PLEKHA7: variants seen among roughly 807,000 people sequenced by gnomAD.
PLEKHA7 encodes pleckstrin homology domain-containing family A member 7.
Under a neutral mutation model 170.0 loss-of-function variants are expected in PLEKHA7, and 104 were observed. The observed-to-expected ratio is 0.61, with a 90% confidence interval of 0.52 to 0.72. The LOEUF is 0.72. PLEKHA7 is among the 30% of genes least tolerant of loss of function. PLEKHA7 has a pLI of 0.00. For synonymous variants in PLEKHA7, 648 were observed against 660.8 expected, an observed-to-expected ratio of 0.98 and a Z score of 0.30; for missense variants, 1,615 against 1,671.7, an observed-to-expected ratio of 0.97 and a Z score of 0.59.
At chr11:16,965,573 A>G (rs1565162351) in intron 3 of PLEKHA7, among the ~76,000 whole-genome samples, 1 of 151,984 alleles carries the variant, frequency 6.6e-6, no homozygotes, top group Non-Finnish European at 1.5e-5. Flanking sequence ...AGGGGAGGGG[A>G]GAATGGGCAG....
chr11:16,855,295 G>A (rs924585202), intron 5 of PLEKHA7, among the ~76,000 whole-genome samples: 4 of 152,180 alleles, frequency 2.6e-5, no homozygotes, highest in African/African-American at 9.7e-5. Context: ...GCTTTCTGGA[G>A]CAAAGCTAAT....
intron 3 of PLEKHA7, among the ~76,000 whole-genome samples, chr11:16,929,419 A>G (rs1174120537): frequency 6.6e-6 from 1 of 152,224 alleles, no homozygotes; most frequent in Non-Finnish European, 1.5e-5. Context: ...TGGGTTCTTA[A>G]TAAGCCGAGA....
Position 17,014,157 on chromosome 11 carries a change from TCC to T in PLEKHA7, c.129_130del (p.Glu44AlafsTer32). The T allele has an allele frequency of 6.2e-7, 1 of 1,601,168 alleles. No homozygotes were observed. Among genetic ancestry groups the T allele is most frequent in the Non-Finnish European group, 8.5e-7 (1 of 1,175,470 alleles). On this transcript the variant is annotated frameshift_variant, in exon 2 of 27. Transcript: ENST00000531066. LOFTEE classifies it high-confidence loss of function. ...GATCATGTGGCCCGAGTTGACGGGC[TCC>T]CCGGTGCGCGGATGCAGCCAGGTCG...
intron 6 of PLEKHA7, among the ~76,000 whole-genome samples, chr11:16,854,182 G>A (rs550310062): frequency 2.0e-5 from 3 of 152,278 alleles, no homozygotes; most frequent in African/African-American, 7.2e-5. Flanking sequence ...AAAGAGACAG[G>A]GTCTCTAGCT....
At chr11:16,970,752 A>T (rs1862660876) in intron 3 of PLEKHA7, among the ~76,000 whole-genome samples, 1 of 152,230 alleles carries the variant, frequency 6.6e-6, no homozygotes, top group Non-Finnish European at 1.5e-5. Flanking sequence ...ATTGTCTATA[A>T]CAGATTAGTT....
intron 3 of PLEKHA7, among the ~76,000 whole-genome samples, chr11:16,978,196 T>C (rs918351879): frequency 6.6e-6 from 1 of 152,256 alleles, no homozygotes; most frequent in African/African-American, 2.4e-5. Flanking sequence ...ACACAGTTTC[T>C]ATTTTGTAAG....
chr11:16,882,860 T>TCACACACACACACA (rs768102944), intron 3 of PLEKHA7, among the ~76,000 whole-genome samples: 8 of 151,844 alleles, frequency 5.3e-5, no homozygotes, highest in African/African-American at 1.9e-4. Flanking sequence ...ATACACATAT[T>TCACACACACACACA]CACACACACA....
At chr11:16,898,806 C>G (rs1857150447) in intron 3 of PLEKHA7, among the ~76,000 whole-genome samples, 1 of 152,138 alleles carries the variant, frequency 6.6e-6, no homozygotes, top group Non-Finnish European at 1.5e-5. Flanking sequence ...GACTTTGTTC[C>G]CCCTAGTTCA....
chr11:17,012,397 C>CT (rs1865371460), intron 3 of PLEKHA7, among the ~76,000 whole-genome samples: 1 of 152,190 alleles, frequency 6.6e-6, no homozygotes, highest in South Asian at 2.1e-4. Context: ...CTTGCCCTGG[C>CT]TGTTCGCTCT....
At chr11:16,959,670 T>A (rs1861925073) in intron 3 of PLEKHA7, among the ~76,000 whole-genome samples, 1 of 152,114 alleles carries the variant, frequency 6.6e-6, no homozygotes, top group Admixed American at 6.5e-5. Context: ...GAAACCACAG[T>A]GGTATTGAAA....
At chr11:17,003,941 A>G (rs1864826324) in intron 3 of PLEKHA7, among the ~76,000 whole-genome samples, 1 of 152,198 alleles carries the variant, frequency 6.6e-6, no homozygotes, top group Non-Finnish European at 1.5e-5. Context: ...GTCCTCCTGT[A>G]CATCCTGTTT....
intron 3 of PLEKHA7, among the ~76,000 whole-genome samples, chr11:16,987,964 T>C (rs1863832867): frequency 6.6e-6 from 1 of 152,248 alleles, no homozygotes; most frequent in Non-Finnish European, 1.5e-5. Flanking sequence ...TCACCACCAC[T>C]GGGTGAAGTT....
At position 16,854,970 on chromosome 11, in the gene PLEKHA7, G is replaced by A; in HGVS notation, c.441C>T (p.Val147=). The change falls in exon 6 of 27, where the codon GTC becomes GTT. Residue 147 remains valine (V), a synonymous_variant. Coordinates refer to ENST00000531066, the MANE Select transcript of PLEKHA7 (RefSeq NM_001329630.2). ...GPKIIKSSSK[V]HSFGKRDQAI... is the part of the protein sequence containing the mutation. ...CCTGGTCTCTCTTCCCAAAGCTGTG[G>A]ACTTTACTGCTGGACTTTATGATCT... The A allele has an allele frequency of 6.2e-7, 1 of 1,614,074 alleles. No homozygotes were observed. Among genetic ancestry groups the A allele is most frequent in the Non-Finnish European group, 8.5e-7 (1 of 1,179,998 alleles).
rs117390615 is a variant in PLEKHA7, at chr11:16,938,057, G to A, written c.222-66875C>T. Among the ~76,000 whole-genome samples, 1,116 of 152,240 alleles carry A rather than the reference G, an allele frequency of 7.3e-3. 6 individuals carry two copies. The highest frequency in any genetic ancestry group is 0.027 in the South Asian group (132 of 4,818). On this transcript the variant is annotated intron_variant, in intron 3 of 26. Coordinates refer to ENST00000531066, the MANE Select transcript of PLEKHA7 (RefSeq NM_001329630.2). Reference sequence around the variant, plus strand: ...CTTCGTATTCTTCCCAACCTCCTGGGTTTGTCCTTTTCCTCTTACTTATAT... The same window carrying A: ...CTTCGTATTCTTCCCAACCTCCTGGATTTGTCCTTTTCCTCTTACTTATAT...
intron 17 of PLEKHA7, among the ~76,000 whole-genome samples, chr11:16,795,812 G>A (rs1848185392): frequency 6.8e-6 from 1 of 148,118 alleles, no homozygotes; most frequent in South Asian, 2.2e-4. Flanking sequence ...TAATAAAGGT[G>A]GTAAATTTAT....
Position 16,893,303 on chromosome 11 carries a change from T to C in PLEKHA7, c.222-22121A>G, listed in dbSNP as rs1281414115. Among the ~76,000 whole-genome samples, 4 of 152,238 alleles carry C rather than the reference T, an allele frequency of 2.6e-5. No individual in the cohort carries two copies. The East Asian group carries it at 7.7e-4, about 29-fold the overall frequency. On this transcript the variant is annotated intron_variant, in intron 3 of 26. Coordinates refer to ENST00000531066, the MANE Select transcript of PLEKHA7 (RefSeq NM_001329630.2). ...GCATCACGGTATTTCCTCTGTACCC[T>C]ACTGTGGGCATTTAGTTTGTTCAAG...
At chr11:16,892,205 A>C (rs1856664976) in intron 3 of PLEKHA7, among the ~76,000 whole-genome samples, 15 of 152,226 alleles carry the variant, frequency 9.9e-5, no homozygotes, top group Admixed American at 9.8e-4. Flanking sequence ...CATAAAATGC[A>C]TCATTTGACA....
In PLEKHA7 at chr11:16,823,892, G is replaced by T. The variant is rs1349848770; in HGVS notation, c.1343+2228C>A. On this transcript the variant is annotated intron_variant, in intron 10 of 26. Coordinates refer to ENST00000531066, the MANE Select transcript of PLEKHA7 (RefSeq NM_001329630.2). ...ACAGATGAACGGATAAACAAAATGT[G>T]GTATTTATACTCAGTGGAGTAGTGT... Among the ~76,000 whole-genome samples, 8 of 152,104 alleles carry T rather than the reference G, an allele frequency of 5.3e-5. No homozygotes were observed. The East Asian group carries it at 1.5e-3, about 29-fold the overall frequency.
In PLEKHA7 at chr11:16,803,281, G is replaced by T. The variant is rs749562271; in HGVS notation, c.2022C>A (p.Asp674Glu). Reference sequence around the variant, plus strand: ...GCTTCAGACTTCGATCCTTGAGAAGGTCCCGGCCTGTCATCTGGGAGGCGA... The same window carrying T: ...GCTTCAGACTTCGATCCTTGAGAAGTTCCCGGCCTGTCATCTGGGAGGCGA... ...EYLDLKMTGRDLLKDRSLKPV... is the reference protein window; with the variant it reads ...EYLDLKMTGRELLKDRSLKPV... The change falls in exon 14 of 27, where the codon GAC becomes GAA. Residue 674 changes from aspartate (D) to glutamate (E), a missense_variant. Transcript: ENST00000531066. 1.9e-6 allele frequency: 3 copies of T among 1,613,652 alleles called. No individual in the cohort carries two copies. Among genetic ancestry groups the T allele is most frequent in the Non-Finnish European group, 2.5e-6 (3 of 1,179,558 alleles).
Sources: allele counts gnomAD v4.1 joint callset (sites outside exome capture counted in the v4.1 genomes callset), GRCh38; gene constraint gnomAD v4.1.1; transcripts MANE v1.5; gene names NCBI Gene and HGNC (gene_info 2026-07-23, HGNC 2026-07-21).